PARD3B: variants seen among roughly 807,000 people sequenced by gnomAD.
PARD3B encodes par-3 family cell polarity regulator beta, also known as partitioning defective 3 homolog B.
In PARD3B, 103 loss-of-function variants were observed where a neutral mutation model predicts 130.2. The ratio of observed to expected loss-of-function variants is 0.79; its 90% CI spans 0.67 to 0.93. The LOEUF is 0.93. PARD3B is among the 40% of genes least tolerant of loss of function. PARD3B has a pLI of 0.00. For synonymous variants in PARD3B, 583 were observed against 553.2 expected, an observed-to-expected ratio of 1.05 and a Z score of -0.76; for missense variants, 1,609 against 1,499.2, an observed-to-expected ratio of 1.07 and a Z score of -1.21.
chr2:204,952,470 A>T, intron 2 of PARD3B, among the ~76,000 whole-genome samples: 1 of 152,340 alleles, frequency 6.6e-6, no homozygotes, highest in East Asian at 1.9e-4. Context: ...TGAAGATTTA[A>T]TAGGGGTTTT....
At chr2:204,630,463 C>G (rs1305265834) in intron 1 of PARD3B, among the ~76,000 whole-genome samples, 1 of 152,028 alleles carries the variant, frequency 6.6e-6, no homozygotes, top group Non-Finnish European at 1.5e-5. Flanking sequence ...ACATCTCTAT[C>G]CATCTCATCT....
At chr2:205,552,567 C>T (rs909108218) in intron 21 of PARD3B, among the ~76,000 whole-genome samples, 19 of 151,994 alleles carry the variant, frequency 1.3e-4, no homozygotes, top group Admixed American at 5.2e-4. Flanking sequence ...CACCACCACA[C>T]CCGGCTAATT....
chr2:205,171,533 C>T (rs1241679820), intron 11 of PARD3B, among the ~76,000 whole-genome samples: 2 of 152,176 alleles, frequency 1.3e-5, no homozygotes, highest in Non-Finnish European at 2.9e-5. Context: ...CCTGAAGATG[C>T]TGGTTGAAAG....
rs1395577673 is a variant in PARD3B at position 205,345,838 on chromosome 2, G to A, written c.2630+44137G>A. Reference sequence around the variant, plus strand: ...TTTACAAAAATACCATATATGTTTTGTACTTTTAGGAAAATGAAAACTGCA... The same window carrying A: ...TTTACAAAAATACCATATATGTTTTATACTTTTAGGAAAATGAAAACTGCA... On this transcript the variant is annotated intron_variant, in intron 18 of 22. Coordinates refer to ENST00000406610, the MANE Select transcript of PARD3B (RefSeq NM_001302769.2). Among the ~76,000 whole-genome samples, 3 of 34,258 alleles carry A rather than the reference G, an allele frequency of 8.8e-5. 1 individual carries two copies. The highest frequency in any genetic ancestry group is 1.5e-3 in the East Asian group (1 of 672). The allele number at this position is 34,258 out of a possible 152,430, so 22.5% of individuals were successfully genotyped here. A position where few individuals can be genotyped will look rare whatever the true frequency, so the allele number is the denominator to read the frequency against.
At chr2:204,932,714 T>C (rs1688120289) in intron 2 of PARD3B, among the ~76,000 whole-genome samples, 1 of 152,182 alleles carries the variant, frequency 6.6e-6, no homozygotes, top group African/African-American at 2.4e-5. Context: ...TAATGTTTTA[T>C]GGTGAAAATA....
chr2:205,567,870 A>G (rs1417573551), intron 22 of PARD3B, among the ~76,000 whole-genome samples: 2 of 152,128 alleles, frequency 1.3e-5, no homozygotes, highest in Non-Finnish European at 2.9e-5. Context: ...GAGCACATTA[A>G]TGAACAGATT....
intron 1 of PARD3B, among the ~76,000 whole-genome samples, chr2:204,562,376 A>G (rs1304369796): frequency 6.6e-6 from 1 of 152,128 alleles, no homozygotes; most frequent in Non-Finnish European, 1.5e-5. Flanking sequence ...TCTAAAATGA[A>G]CTTAAACTCC....
chr2:204,656,054 A>G (rs1490496922), intron 1 of PARD3B, among the ~76,000 whole-genome samples: 1 of 151,832 alleles, frequency 6.6e-6, no homozygotes, highest in Non-Finnish European at 1.5e-5. Context: ...AGAAGCAAGC[A>G]GAAGTGCTCA....
chr2:204,805,336 A>C (rs2042728050), intron 2 of PARD3B, among the ~76,000 whole-genome samples: 1 of 152,158 alleles, frequency 6.6e-6, no homozygotes, highest in Admixed American at 6.6e-5. Context: ...ATTCCTAGAC[A>C]CATAGAACCT....
At chr2:205,557,074 A>G (rs1375591306) in intron 22 of PARD3B, among the ~76,000 whole-genome samples, 1 of 152,038 alleles carries the variant, frequency 6.6e-6, no homozygotes, top group African/African-American at 2.4e-5. Flanking sequence ...GGCTCTGTGC[A>G]TCGGCGCATG....
chr2:205,088,068 A>C lies in PARD3B; in HGVS notation c.505-16358A>C, dbSNP rs529449461. ...TGAATGTGATTCTCAGAGACAGGTAAATAGTGTCAGGCTCTAAAGATTTTG... is the reference window on the plus strand; with the variant it reads ...TGAATGTGATTCTCAGAGACAGGTACATAGTGTCAGGCTCTAAAGATTTTG... On this transcript the variant is annotated intron_variant, in intron 4 of 22. Transcript: ENST00000406610. Among the ~76,000 whole-genome samples the C allele has an allele frequency of 2.6e-3, 389 of 152,330 alleles. 3 individuals carry two copies. The highest frequency in any genetic ancestry group is 3.0e-3 in the Non-Finnish European group (202 of 68,030).
chr2:204,797,728 A>T (rs986544583), intron 2 of PARD3B, among the ~76,000 whole-genome samples: 2 of 152,220 alleles, frequency 1.3e-5, no homozygotes, highest in Admixed American at 6.5e-5. Context: ...TTAAATTAAA[A>T]TTTTTTAAAT....
chr2:205,328,610 A>G (rs2043012339), intron 18 of PARD3B, among the ~76,000 whole-genome samples: 1 of 152,184 alleles, frequency 6.6e-6, no homozygotes, highest in African/African-American at 2.4e-5. Context: ...AAATTTCATG[A>G]TTTGGAACTT....
intron 2 of PARD3B, among the ~76,000 whole-genome samples, chr2:204,841,990 G>A (rs1418468937): frequency 6.6e-6 from 1 of 152,046 alleles, no homozygotes; most frequent in African/African-American, 2.4e-5. Context: ...CATACTTCAG[G>A]TTGGTAATAT....
rs1341224269 is a variant in PARD3B, at chr2:205,575,218, T to A, written c.3260+21815T>A. 6.6e-6 allele frequency among the ~76,000 whole-genome samples: 1 copy of A among 152,000 alleles called. No individual in the cohort carries two copies. Among genetic ancestry groups the A allele is most frequent in the Non-Finnish European group, 1.5e-5 (1 of 68,006 alleles). Reference sequence around the variant, plus strand: ...AATATAGATAGATACACATACACACTGTTTTTAGTGCAGTTTCAGGTTCAC... The same window carrying A: ...AATATAGATAGATACACATACACACAGTTTTTAGTGCAGTTTCAGGTTCAC... On this transcript the variant is annotated intron_variant, in intron 22 of 22. Coordinates refer to ENST00000406610, the MANE Select transcript of PARD3B (RefSeq NM_001302769.2). The surrounding 1 kb of genome is among the most constrained non-coding windows in gnomAD (Gnocchi z 4.6).
Position 205,300,762 on chromosome 2 carries a change from G to T in PARD3B, c.2392+26G>T, listed in dbSNP as rs553510069. 92 of 1,589,912 alleles carry T rather than the reference G, an allele frequency of 5.8e-5. No individual in the cohort carries two copies. In the South Asian group the frequency reaches 1.0e-3, roughly 18 times the overall value. ...GTAGGATGATATGCTTCCTTAAATG[G>T]CTTCTTCATCTCATTATTATCTGCA... is the stretch of plus-strand genomic sequence containing the variant. On this transcript the variant is annotated intron_variant, in intron 17 of 22. Coordinates refer to ENST00000406610, the MANE Select transcript of PARD3B (RefSeq NM_001302769.2). This position sits in a 1 kb window ranked among gnomAD's most constrained non-coding sequence, Gnocchi z 4.1.
At chr2:204,648,598 ATATATT>A (rs1364613980) in intron 1 of PARD3B, among the ~76,000 whole-genome samples, 3 of 124,898 alleles carry the variant, frequency 2.4e-5, no homozygotes, top group South Asian at 2.2e-4. Flanking sequence ...ATTATATATA[ATATATT>A]TATATTTATA....
intron 2 of PARD3B, among the ~76,000 whole-genome samples, chr2:204,698,815 C>A (rs41425446): frequency 0.054 from 8,146 of 152,030 alleles, 639 homozygotes; most frequent in African/African-American, 0.16. Flanking sequence ...AGCGTTCCTC[C>A]TTTTTATTTT....
intron 2 of PARD3B, among the ~76,000 whole-genome samples, chr2:204,914,433 C>T (rs2047366629): frequency 1.3e-5 from 2 of 152,064 alleles, no homozygotes; most frequent in Admixed American, 6.5e-5. Context: ...TAACCCTTTT[C>T]TTCTTGTCTA....
Sources: gnomAD v4.1 joint callset for allele counts (sites outside exome capture counted in the v4.1 genomes callset) on GRCh38, gnomAD v4.1.1 for gene constraint, Gnocchi (gnomAD v3.1) non-coding constraint, MANE v1.5 for transcripts, NCBI Gene and HGNC (gene_info 2026-07-23, HGNC 2026-07-21) for gene names.